Variants in LRRC7 observed in about 807,000 individuals in gnomAD.
LRRC7 encodes the protein leucine-rich repeat-containing protein 7.
Under a neutral mutation model 175.7 loss-of-function variants are expected in LRRC7, and 23 were observed. The observed-to-expected ratio is 0.13, with a 90% CI of 0.09 to 0.19. LRRC7 has a LOEUF of 0.19. LRRC7 is among the 10% of genes least tolerant of loss of function. The pLI is 1.00. For synonymous variants in LRRC7, 685 were observed against 680.9 expected, an observed-to-expected ratio of 1.01 and a Z score of -0.09; for missense variants, 1,354 against 1,904.7, an observed-to-expected ratio of 0.71 and a Z score of 5.38.
intron 7 of LRRC7, among the ~76,000 whole-genome samples, chr1:69,906,921 C>A (rs2101686313): frequency 6.6e-6 from 1 of 152,142 alleles, no homozygotes; most frequent in African/African-American, 2.4e-5. Context: ...TTGTTTGTAT[C>A]CTCTTTTATT....
intron 25 of LRRC7, among the ~76,000 whole-genome samples, chr1:70,097,231 G>A (rs536651510): frequency 5.9e-5 from 9 of 152,212 alleles, no homozygotes; most frequent in Admixed American, 2.6e-4. Context: ...ATTCACAACT[G>A]TAGTGTCTTC....
chr1:69,868,578 A>C (rs1685177256), intron 7 of LRRC7, among the ~76,000 whole-genome samples: 1 of 152,112 alleles, frequency 6.6e-6, no homozygotes. Context: ...GTCATCAGAG[A>C]GGAAGCTGAA....
intron 1 of LRRC7, among the ~76,000 whole-genome samples, chr1:69,673,828 T>G (rs1659429297): frequency 6.6e-6 from 1 of 152,176 alleles, no homozygotes; most frequent in Non-Finnish European, 1.5e-5. Flanking sequence ...ATGTAATTTA[T>G]AGTGAATTGT....
chr1:69,719,917 T>C (rs1439429801), intron 2 of LRRC7, among the ~76,000 whole-genome samples: 1 of 151,634 alleles, frequency 6.6e-6, no homozygotes, highest in African/African-American at 2.4e-5. Flanking sequence ...CTCTTTCTGT[T>C]TTTAGCACAA....
intron 8 of LRRC7, among the ~76,000 whole-genome samples, chr1:69,935,117 T>C (rs1486278487): frequency 1.3e-5 from 2 of 152,184 alleles, no homozygotes; most frequent in Admixed American, 1.3e-4. Flanking sequence ...AGGGACCCAC[T>C]GACCCACAGT....
chr1:69,572,163 T>C (rs76080545), intron 1 of LRRC7, among the ~76,000 whole-genome samples: 2,463 of 152,218 alleles, frequency 0.016, 65 homozygotes, highest in African/African-American at 0.057. Flanking sequence ...AAAGATATCA[T>C]TGGAGATGAC....
At chr1:70,031,222 C>G (rs144405083) in intron 18 of LRRC7, 2 of 152,198 alleles carry the variant, frequency 1.3e-5, no homozygotes, top group Non-Finnish European at 2.9e-5. Flanking sequence ...TAGCACAGTG[C>G]CTAGGATAGA....
intron 1 of LRRC7, among the ~76,000 whole-genome samples, chr1:69,573,266 C>T (rs548712875): frequency 6.6e-6 from 1 of 152,100 alleles, no homozygotes; most frequent in Non-Finnish European, 1.5e-5. Flanking sequence ...TCATTTTTCC[C>T]CATTCTGTGC....
intron 1 of LRRC7, among the ~76,000 whole-genome samples, chr1:69,615,861 G>A (rs1254138984): frequency 1.3e-5 from 2 of 151,938 alleles, no homozygotes; most frequent in Non-Finnish European, 2.9e-5. Flanking sequence ...AATCTCAAAT[G>A]ATCAGGAAGC....
intron 11 of LRRC7, among the ~76,000 whole-genome samples, chr1:70,002,918 A>G (rs758386332): frequency 6.6e-5 from 10 of 152,238 alleles, no homozygotes; most frequent in Admixed American, 2.0e-4. Context: ...GTTCTAAAAA[A>G]GAAAAATATA....
chr1:69,707,932 G>C (rs545646749), intron 2 of LRRC7, among the ~76,000 whole-genome samples: 66 of 152,238 alleles, frequency 4.3e-4, no homozygotes, highest in Non-Finnish European at 8.5e-4. Flanking sequence ...TGGACCACAT[G>C]GTTCTAACGG....
chr1:69,713,179 T>C (rs1664970505), intron 2 of LRRC7, among the ~76,000 whole-genome samples: 1 of 152,168 alleles, frequency 6.6e-6, no homozygotes. Context: ...GGAGAGTGTT[T>C]GCTCTTAAGA....
At chr1:70,105,374 T>C (rs1319211942) in intron 25 of LRRC7, among the ~76,000 whole-genome samples, 2 of 152,086 alleles carry the variant, frequency 1.3e-5, no homozygotes, top group South Asian at 2.1e-4. Context: ...AAGTAGTGCA[T>C]AATCATTGTA....
intron 7 of LRRC7, among the ~76,000 whole-genome samples, chr1:69,843,285 G>A (rs1681947468): frequency 1.3e-5 from 2 of 151,990 alleles, no homozygotes; most frequent in South Asian, 4.1e-4. Flanking sequence ...TTGTCAAATG[G>A]ATAATTTTAG....
chr1:70,044,409 A>G (rs1389189326), intron 22 of LRRC7, among the ~76,000 whole-genome samples: 1 of 150,156 alleles, frequency 6.7e-6, no homozygotes, highest in Non-Finnish European at 1.5e-5. Context: ...GTTTTTCTTT[A>G]TTTTGTGTTT....
intron 24 of LRRC7, among the ~76,000 whole-genome samples, chr1:70,087,997 C>G (rs922553379): frequency 6.6e-6 from 1 of 152,012 alleles, no homozygotes; most frequent in African/African-American, 2.4e-5. Flanking sequence ...AGATAGCTCA[C>G]AATAAAAATG....
chr1:69,888,428 C>T (rs1220186829), intron 7 of LRRC7, among the ~76,000 whole-genome samples: 37 of 152,096 alleles, frequency 2.4e-4, no homozygotes, highest in Non-Finnish European at 4.0e-4. Context: ...GGGAACTCCC[C>T]GACCCTTGCA....
intron 3 of LRRC7, among the ~76,000 whole-genome samples, chr1:69,784,638 T>C (rs1557725157): frequency 6.6e-6 from 1 of 152,284 alleles, no homozygotes; most frequent in East Asian, 1.9e-4. Flanking sequence ...TTGTTGTTAA[T>C]TTTCTTAAGT....
At chr1:69,785,821 C>T (rs1010290823) in intron 3 of LRRC7, among the ~76,000 whole-genome samples, 1 of 151,980 alleles carries the variant, frequency 6.6e-6, no homozygotes, top group Non-Finnish European at 1.5e-5. Flanking sequence ...AATATGAGTG[C>T]CTTCCAACAA....
Sources: allele counts gnomAD v4.1 joint callset (sites outside exome capture counted in the v4.1 genomes callset), GRCh38; gene constraint gnomAD v4.1.1; transcripts MANE v1.5; gene names NCBI Gene and HGNC (gene_info 2026-07-23, HGNC 2026-07-21).